Variants in STARD3NL observed in about 807,000 individuals in gnomAD.
STARD3NL encodes the protein STARD3 N-terminal-like protein.
In STARD3NL, 17 loss-of-function variants were observed where a neutral mutation model predicts 30.9. That is an observed-to-expected ratio of 0.55 (90% CI 0.38 to 0.82). The LOEUF is 0.82. Ranked by LOEUF, STARD3NL falls within the 40% of genes least tolerant of loss-of-function variation. STARD3NL has a pLI of 0.00. For missense variants in STARD3NL, 234 were observed against 277.6 expected, an observed-to-expected ratio of 0.84 and a Z score of 1.12; for synonymous variants, 112 against 100.5, an observed-to-expected ratio of 1.11 and a Z score of -0.69.
At chr7:38,213,211 A>G in intron 2 of STARD3NL, among the ~76,000 whole-genome samples, 1 of 152,148 alleles carries the variant, frequency 6.6e-6, no homozygotes, top group South Asian at 2.1e-4. Flanking sequence ...GAGAGACAGT[A>G]ATGAGACTAA....
intron 1 of STARD3NL, among the ~76,000 whole-genome samples, chr7:38,197,199 T>TTTCTTTTTCC (rs1784962280): frequency 6.9e-6 from 1 of 145,976 alleles, no homozygotes; most frequent in Admixed American, 7.1e-5. Flanking sequence ...TTTCTTTTTC[T>TTTCTTTTTCC]CTCTCTCTCT....
chr7:38,179,310 G>A (rs1389894562), intron 1 of STARD3NL, among the ~76,000 whole-genome samples: 1 of 152,184 alleles, frequency 6.6e-6, no homozygotes, highest in Non-Finnish European at 1.5e-5. Context: ...TGGTATCCTT[G>A]TTTTATTGAT....
intron 7 of STARD3NL, among the ~76,000 whole-genome samples, chr7:38,222,141 TCACACA>T (rs3223376): frequency 0.023 from 3,321 of 144,274 alleles, 57 homozygotes; most frequent in East Asian, 0.043. Context: ...GTTAATATTT[TCACACA>T]CACACACACA....
chr7:38,223,121 AC>A (rs922697433), intron 7 of STARD3NL, among the ~76,000 whole-genome samples: 2 of 152,056 alleles, frequency 1.3e-5, no homozygotes, highest in African/African-American at 4.8e-5. Context: ...TATTAGACTT[AC>A]AACTGTTGAA....
At chr7:38,187,575 A>C (rs1422005611) in intron 1 of STARD3NL, among the ~76,000 whole-genome samples, 1 of 152,108 alleles carries the variant, frequency 6.6e-6, no homozygotes, top group African/African-American at 2.4e-5. Context: ...CTCTTAGTGG[A>C]CTTACATAGG....
intron 1 of STARD3NL, among the ~76,000 whole-genome samples, chr7:38,180,669 A>C (rs1328096590): frequency 6.6e-6 from 1 of 152,228 alleles, no homozygotes; most frequent in Admixed American, 6.5e-5. Flanking sequence ...AACTCCCATT[A>C]GGTTTACTTC....
intron 7 of STARD3NL, among the ~76,000 whole-genome samples, chr7:38,226,982 A>G (rs968743046): frequency 2.6e-5 from 4 of 152,206 alleles, no homozygotes; most frequent in African/African-American, 9.7e-5. Flanking sequence ...TGTTTCAAAC[A>G]TAAACATTTC....
chr7:38,199,781 C>T (rs1328901660), intron 1 of STARD3NL, among the ~76,000 whole-genome samples: 1 of 152,176 alleles, frequency 6.6e-6, no homozygotes, highest in African/African-American at 2.4e-5. Flanking sequence ...AAAGGAAGGG[C>T]TCTTTCTCAA....
At chr7:38,215,705 T>G (rs981928758) in intron 4 of STARD3NL, 1 of 152,406 alleles carries the variant, frequency 6.6e-6, no homozygotes, top group Non-Finnish European at 1.5e-5. Context: ...GACAGATGTC[T>G]GAATATTTGC....
At position 38,215,218 on chromosome 7, in the gene STARD3NL, C is replaced by T. The variant is rs576424483; in HGVS notation, c.381+113C>T. The T allele has an allele frequency of 1.2e-4, 118 of 981,700 alleles. No individual in the cohort carries two copies. The African/African-American group carries it at 1.8e-3, about 15-fold the overall frequency. The allele number at this position is 981,700 out of a possible 1,614,324, so 60.8% of individuals were successfully genotyped here. A position where few individuals can be genotyped will look rare whatever the true frequency, so the allele number is the denominator to read the frequency against. On this transcript the variant is annotated intron_variant, in intron 4 of 8. Transcript: ENST00000009041. ...AGTTCTAATGCAGGTGGAATCCCAC[C>T]AGCTTTCCTGAGTCCCGTTTCCTCC... is the stretch of plus-strand genomic sequence containing the variant.
intron 2 of STARD3NL, among the ~76,000 whole-genome samples, chr7:38,209,185 T>C (rs1433147952): frequency 6.6e-6 from 1 of 152,220 alleles, no homozygotes; most frequent in Admixed American, 6.5e-5. Flanking sequence ...GTTCCACATA[T>C]GCACATTAAA....
At chr7:38,212,763 CTTG>C (rs1785881048) in intron 2 of STARD3NL, among the ~76,000 whole-genome samples, 1 of 152,118 alleles carries the variant, frequency 6.6e-6, no homozygotes, top group South Asian at 2.1e-4. Context: ...TATGAGAAGA[CTTG>C]TTGATAGGCC....
intron 1 of STARD3NL, among the ~76,000 whole-genome samples, chr7:38,181,070 A>G (rs17171304): frequency 1.1e-3 from 175 of 152,368 alleles, no homozygotes; most frequent in African/African-American, 4.1e-3. Context: ...TTGGGCTACA[A>G]TAATCATTTG....
chr7:38,200,386 G>T (rs369190872), intron 1 of STARD3NL, among the ~76,000 whole-genome samples: 1 of 152,068 alleles, frequency 6.6e-6, no homozygotes, highest in Non-Finnish European at 1.5e-5. Context: ...GTTCTTCCCT[G>T]TTCCACTATT....
At chr7:38,206,234 A>T (rs1785468711) in intron 1 of STARD3NL, among the ~76,000 whole-genome samples, 1 of 152,168 alleles carries the variant, frequency 6.6e-6, no homozygotes, top group African/African-American at 2.4e-5. Flanking sequence ...AGACATTGCC[A>T]GTCATTGTGG....
chr7:38,220,185 C>T (rs1481801638), intron 7 of STARD3NL, among the ~76,000 whole-genome samples: 1 of 152,220 alleles, frequency 6.6e-6, no homozygotes, highest in Non-Finnish European at 1.5e-5. Context: ...TTACTTTCTG[C>T]AGTTTCTGCA....
chr7:38,211,985 C>T (rs2116296260), intron 2 of STARD3NL, among the ~76,000 whole-genome samples: 1 of 152,254 alleles, frequency 6.6e-6, no homozygotes, highest in Non-Finnish European at 1.5e-5. Flanking sequence ...TCCACTGTTT[C>T]CCTTTCTTTT....
At chr7:38,227,456 C>A (rs10269098) in intron 7 of STARD3NL, among the ~76,000 whole-genome samples, 1 of 152,058 alleles carries the variant, frequency 6.6e-6, no homozygotes, top group African/African-American at 2.4e-5. Context: ...GAGGTTAAAA[C>A]GTTTTCTTCA....
At chr7:38,200,872 C>A (rs1785143413) in intron 1 of STARD3NL, among the ~76,000 whole-genome samples, 1 of 152,260 alleles carries the variant, frequency 6.6e-6, no homozygotes, top group Middle Eastern at 3.4e-3. Flanking sequence ...TTAGTTTCAC[C>A]AGCAGTAAGG....
Sources: allele counts gnomAD v4.1 joint callset (sites outside exome capture counted in the v4.1 genomes callset), GRCh38; gene constraint gnomAD v4.1.1; transcripts MANE v1.5; gene names NCBI Gene and HGNC (gene_info 2026-07-23, HGNC 2026-07-21).